Variants in CPM observed in about 807,000 individuals in gnomAD.
CPM encodes the protein carboxypeptidase M, also known as renal carboxypeptidase.
A neutral mutation model predicts 46.4 loss-of-function variants in CPM; 35 were observed. The observed-to-expected ratio is 0.75, with a 90% confidence interval of 0.58 to 1.00. CPM has a LOEUF of 1.00. Ranked by LOEUF, CPM falls within the 50% of genes least tolerant of loss-of-function variation. The pLI is 0.00. For synonymous variants in CPM, 195 were observed against 195.3 expected (o/e 1.00, Z 0.01); for missense variants, 422 against 530.4 (o/e 0.80, Z 2.01).
chr12:68,947,610 G>A, intron 1 of CPM, among the ~76,000 whole-genome samples: 1 of 149,386 alleles, frequency 6.7e-6, no homozygotes, highest in Non-Finnish European at 1.5e-5. Flanking sequence ...AAAAAAAAAA[G>A]AAAAGAAAGA....
intron 6 of CPM, among the ~76,000 whole-genome samples, chr12:68,867,486 G>C (rs1288541656): frequency 6.6e-6 from 1 of 152,142 alleles, no homozygotes; most frequent in Non-Finnish European, 1.5e-5. Context: ...GCTAATTTGG[G>C]GGAATCATGG....
chr12:68,951,663 C>A (rs1888937145), intron 1 of CPM, among the ~76,000 whole-genome samples: 1 of 152,030 alleles, frequency 6.6e-6, no homozygotes, highest in African/African-American at 2.4e-5. Context: ...CCGTGCCAGC[C>A]CCCACCACCA....
At chr12:68,960,445 G>T (rs1889091973) in intron 1 of CPM, among the ~76,000 whole-genome samples, 1 of 152,158 alleles carries the variant, frequency 6.6e-6, no homozygotes, top group South Asian at 2.1e-4. Context: ...CCTTTTAAAT[G>T]GTGGATTCTA....
Position 68,867,060 on chromosome 12 carries a change from C to A in CPM, c.788-12G>T. ...ATCTTGCATTCCACCTAAACACAAGCATATTTAATTTTTGTTAGGGTCTAA... is the reference window on the plus strand; with the variant it reads ...ATCTTGCATTCCACCTAAACACAAGAATATTTAATTTTTGTTAGGGTCTAA... On this transcript the variant is annotated splice_polypyrimidine_tract_variant and intron_variant, in intron 6 of 8. Coordinates refer to ENST00000551568, the MANE Select transcript of CPM (RefSeq NM_198320.5). The A allele has an allele frequency of 6.2e-7, 1 of 1,613,250 alleles. No homozygotes were observed. Among genetic ancestry groups the A allele is most frequent in the Non-Finnish European group, 8.5e-7 (1 of 1,179,790 alleles).
At chr12:68,845,261 T>C (rs956576684) in intron 5 of CPM, 4 of 214,694 alleles carry the variant, frequency 1.9e-5, no homozygotes, top group African/African-American at 9.0e-5. Flanking sequence ...TGTGATCATA[T>C]TGTCTACCAT....
At chr12:68,957,534 C>T (rs968460489) in intron 1 of CPM, 10 of 191,498 alleles carry the variant, frequency 5.2e-5, no homozygotes, top group Admixed American at 5.2e-4. Context: ...GAGTTCTGTC[C>T]AATTTGGATT....
chr12:68,897,341 G>A (rs1336774603), intron 2 of CPM, among the ~76,000 whole-genome samples: 4 of 150,620 alleles, frequency 2.7e-5, no homozygotes, highest in Admixed American at 6.6e-5. Context: ...AAAACCTCTA[G>A]GGACCTCATA....
chr12:68,885,489 C>T (rs1886388068), intron 3 of CPM, among the ~76,000 whole-genome samples: 1 of 152,130 alleles, frequency 6.6e-6, no homozygotes, highest in Non-Finnish European at 1.5e-5. Flanking sequence ...AAAGGAGATG[C>T]AGGGATTGGC....
intron 7 of CPM, among the ~76,000 whole-genome samples, chr12:68,860,386 T>C (rs1055585580): frequency 6.6e-6 from 1 of 152,216 alleles, no homozygotes; most frequent in Non-Finnish European, 1.5e-5. Context: ...CAATCATAAA[T>C]TGGTAATAAT....
intron 2 of CPM, among the ~76,000 whole-genome samples, chr12:68,889,646 C>T (rs1886572493): frequency 6.6e-6 from 1 of 152,014 alleles, no homozygotes; most frequent in Non-Finnish European, 1.5e-5. Context: ...TTGGGCAACA[C>T]AGTGTGATGC....
Position 68,852,823 on chromosome 12 carries a change from A to G in CPM, c.*3614T>C, listed in dbSNP as rs1210517979. On this transcript the variant is annotated 3_prime_UTR_variant, in exon 9 of 9. Transcript: ENST00000551568. ...GTGATCCGCCTGCCTCAGCCTCCCA[A>G]AGTGCTGGGATTACAGGCATGAGCC... is the stretch of plus-strand genomic sequence containing the variant. The G allele has an allele frequency of 6.6e-6, 1 of 152,024 alleles. No homozygotes were observed. Among genetic ancestry groups the G allele is most frequent in the African/African-American group, 2.4e-5 (1 of 41,366 alleles). 9.4% of individuals were successfully genotyped at this position (152,024 alleles called of 1,614,324 possible).
At position 68,905,870 on chromosome 12, in the gene CPM, T is replaced by C. The variant is rs1404733375; in HGVS notation, c.161-19981A>G. Among the ~76,000 whole-genome samples, 4 of 152,298 alleles carry C rather than the reference T, an allele frequency of 2.6e-5. No homozygotes were observed. The East Asian group carries it at 7.7e-4, about 29-fold the overall frequency. On this transcript the variant is annotated intron_variant, in intron 2 of 8. Transcript: ENST00000551568. The stretch of plus-strand genomic sequence containing the variant: ...AATGATCCTTTATATAGCAAGTGTT[T>C]AGAGTAAAGACAGCTGGTCATGTCT...
chr12:68,908,560 G>A (rs190405119), intron 2 of CPM, among the ~76,000 whole-genome samples: 58 of 151,998 alleles, frequency 3.8e-4, no homozygotes, highest in African/African-American at 1.3e-3. Context: ...TTAAAAATTT[G>A]AGTGCTCAAA....
chr12:68,861,610 A>G (rs61926269), intron 7 of CPM, among the ~76,000 whole-genome samples: 33,450 of 150,976 alleles, frequency 0.22, 4,010 homozygotes, highest in Middle Eastern at 0.32. Context: ...GCTCACTGCA[A>G]CCTCTGCCTC....
intron 2 of CPM, among the ~76,000 whole-genome samples, chr12:68,920,415 A>C (rs1771299211): frequency 6.6e-6 from 1 of 152,184 alleles, no homozygotes; most frequent in Admixed American, 6.5e-5. Flanking sequence ...TCCCCGTGAA[A>C]AGGATTTTAA....
intron 1 of CPM, among the ~76,000 whole-genome samples, chr12:68,950,334 T>A (rs55763130): frequency 0.16 from 24,680 of 152,146 alleles, 2,094 homozygotes; most frequent in Middle Eastern, 0.2. Flanking sequence ...TACTACATTA[T>A]GTTATATATT....
At chr12:68,889,611 T>A (rs1440875369) in intron 2 of CPM, among the ~76,000 whole-genome samples, 1 of 152,104 alleles carries the variant, frequency 6.6e-6, no homozygotes, top group East Asian at 1.9e-4. Flanking sequence ...GGAGGATTAC[T>A]TGAGGCCAGG....
intron 1 of CPM, among the ~76,000 whole-genome samples, chr12:68,953,285 G>T (rs1319235407): frequency 6.6e-6 from 1 of 151,796 alleles, no homozygotes; most frequent in African/African-American, 2.4e-5. Flanking sequence ...AAGAACCCAA[G>T]GATTTCCTTT....
At chr12:68,908,425 C>A (rs1463307333) in intron 2 of CPM, among the ~76,000 whole-genome samples, 2 of 146,588 alleles carry the variant, frequency 1.4e-5, no homozygotes, top group African/African-American at 5.1e-5. Context: ...ATCACTTTCT[C>A]TTTTCTCTGG....
Sources: allele counts gnomAD v4.1 joint callset (sites outside exome capture counted in the v4.1 genomes callset), GRCh38; gene constraint gnomAD v4.1.1; transcripts MANE v1.5; gene names NCBI Gene and HGNC (gene_info 2026-07-23, HGNC 2026-07-21).